Variants in EDA observed in about 807,000 individuals in gnomAD.
EDA encodes the protein ectodysplasin A.
EDA carries 2 observed loss-of-function variants against 23.6 expected under a neutral mutation model. The ratio of observed to expected loss-of-function variants is 0.08; its 90% CI spans 0.03 to 0.27. The LOEUF is 0.27. Ranked by LOEUF, EDA falls within the 10% of genes least tolerant of loss-of-function variation. The pLI is 1.00. For synonymous variants in EDA, 131 were observed against 132.0 expected (o/e 0.99, Z 0.05); for missense variants, 229 against 324.2 (o/e 0.71, Z 2.26).
At chrX:69,989,011 G>T (rs1342441797) in intron 2 of EDA, among the ~76,000 whole-genome samples, 1 of 111,754 alleles carries the variant, frequency 8.9e-6, no homozygotes, top group Non-Finnish European at 1.9e-5. Flanking sequence ...GTGAAGCAAG[G>T]CTAGTCACCA....
rs764051107 is a variant in EDA, at chrX:69,616,670, C to T, written c.362C>T (p.Ala121Val). ...PKQQPLEPGE[A>V]ALHSDSQDGH... ...CAGCAGCCATTGGAACCGGGAGAAG[C>T]CGCACTCCACTCTGACTCCCAGGAC... Residue 121 changes from alanine (A) to valine (V), a missense_variant, in exon 1 of 8, where the codon GCC becomes GTC. Ala to Val is a moderately conservative substitution (Grantham distance 64). Around this residue, in one of 2 missense-constraint regions of EDA, gnomAD observed 175 missense variants for 281.8 expected, o/e 0.62. Transcript: ENST00000374552. 3 of 1,211,747 alleles carry T rather than the reference C, an allele frequency of 2.5e-6. No individual in the cohort carries two copies. The African/African-American group carries it at 5.2e-5, about 21-fold the overall frequency.
At chrX:69,966,486 G>A (rs2019174770) in intron 2 of EDA, among the ~76,000 whole-genome samples, 1 of 109,030 alleles carries the variant, frequency 9.2e-6, no homozygotes, top group Non-Finnish European at 1.9e-5. Flanking sequence ...GGCTGAGGCA[G>A]GAGAATTGCT....
chrX:69,787,334 A>G (rs2015226880), intron 1 of EDA, among the ~76,000 whole-genome samples: 1 of 101,357 alleles, frequency 9.9e-6, no homozygotes, highest in Middle Eastern at 5.1e-3. Context: ...TCCTGTCATT[A>G]TGATGTTAGC....
intron 1 of EDA, among the ~76,000 whole-genome samples, chrX:69,745,508 T>C (rs1411864834): frequency 1.8e-5 from 2 of 111,507 alleles, no homozygotes; most frequent in African/African-American, 6.5e-5. Flanking sequence ...GCTATGAGCT[T>C]AAAAAATCAT....
chrX:69,748,459 C>T (rs1020868449), intron 1 of EDA, among the ~76,000 whole-genome samples: 26 of 111,621 alleles, frequency 2.3e-4, no homozygotes, highest in African/African-American at 7.5e-4. Context: ...AAAAGCCCGT[C>T]GTGTGATATG....
chrX:69,832,404 C>G (rs962974378), intron 1 of EDA, among the ~76,000 whole-genome samples: 1 of 111,512 alleles, frequency 9.0e-6, no homozygotes, highest in Non-Finnish European at 1.9e-5. Flanking sequence ...ATATCTCTGT[C>G]TTGGTACCAG....
chrX:69,761,882 G>C (rs925787169), intron 1 of EDA, among the ~76,000 whole-genome samples: 11 of 111,582 alleles, frequency 9.9e-5, no homozygotes, highest in Non-Finnish European at 1.9e-4. Flanking sequence ...GTTACTTTTA[G>C]ACACAATCTT....
chrX:69,816,255 A>T (rs1194999120), intron 1 of EDA, among the ~76,000 whole-genome samples: 2 of 112,244 alleles, frequency 1.8e-5, no homozygotes, highest in Admixed American at 9.4e-5. Context: ...TCACCAAAAA[A>T]TTGCTGAGAA....
At chrX:69,680,071 G>T (rs1160509385) in intron 1 of EDA, among the ~76,000 whole-genome samples, 1 of 109,999 alleles carries the variant, frequency 9.1e-6, no homozygotes, top group African/African-American at 3.3e-5. Context: ...CCTTCATTTC[G>T]TTGTGTACCC....
At chrX:69,849,109 A>G (rs1398270018) in intron 1 of EDA, among the ~76,000 whole-genome samples, 1 of 93,973 alleles carries the variant, frequency 1.1e-5, no homozygotes, top group African/African-American at 3.8e-5. Context: ...ACACACACAC[A>G]CACACACACA....
intron 1 of EDA, among the ~76,000 whole-genome samples, chrX:69,912,898 G>T (rs1188413243): frequency 3.7e-5 from 4 of 108,260 alleles, no homozygotes; most frequent in African/African-American, 1.4e-4. Flanking sequence ...CTCCTGAGTA[G>T]CTGGGACTAC....
intron 1 of EDA, among the ~76,000 whole-genome samples, chrX:69,677,871 G>A (rs1255873696): frequency 8.9e-6 from 1 of 111,803 alleles, no homozygotes; most frequent in African/African-American, 3.3e-5. Flanking sequence ...ATTGCTTTTG[G>A]TGTTTTAGAC....
intron 2 of EDA, among the ~76,000 whole-genome samples, chrX:70,015,562 G>A (rs775799883): frequency 9.0e-6 from 1 of 111,265 alleles, no homozygotes; most frequent in South Asian, 3.8e-4. Context: ...AACAGAGTGA[G>A]ACTCCATCTA....
intron 1 of EDA, among the ~76,000 whole-genome samples, chrX:69,682,869 C>T (rs1409514333): frequency 9.0e-6 from 1 of 111,471 alleles, no homozygotes; most frequent in Non-Finnish European, 1.9e-5. Flanking sequence ...CTTATATCTT[C>T]CAAATAAAGT....
At chrX:70,008,204 G>T (rs1403728410) in intron 2 of EDA, among the ~76,000 whole-genome samples, 1 of 111,984 alleles carries the variant, frequency 8.9e-6, no homozygotes, top group Non-Finnish European at 1.9e-5. Flanking sequence ...ATCTTAAAGG[G>T]AAAGCATCTA....
At chrX:69,788,941 G>A (rs950890187) in intron 1 of EDA, among the ~76,000 whole-genome samples, 2 of 112,313 alleles carry the variant, frequency 1.8e-5, no homozygotes, top group Admixed American at 9.4e-5. Context: ...ATCAATCAGC[G>A]AGACTCCGTG....
chrX:69,782,609 G>C (rs781436856), intron 1 of EDA, among the ~76,000 whole-genome samples: 1 of 111,081 alleles, frequency 9.0e-6, no homozygotes, highest in Admixed American at 9.6e-5. Context: ...TGGAGGATTT[G>C]TTCATCGAAG....
At chrX:69,621,189 A>ATAGAGAAGATCTCTTTAAAG (rs1464869317) in intron 1 of EDA, among the ~76,000 whole-genome samples, 2 of 112,240 alleles carry the variant, frequency 1.8e-5, no homozygotes, top group Non-Finnish European at 3.8e-5. Context: ...TAACTACCTT[A>ATAGAGAAGATCTCTTTAAAG]TAGAGAAGAT....
At chrX:70,009,992 T>C (rs2019854137) in intron 2 of EDA, among the ~76,000 whole-genome samples, 1 of 112,405 alleles carries the variant, frequency 8.9e-6, no homozygotes, top group African/African-American at 3.2e-5. Flanking sequence ...CTTTGTATGA[T>C]ATCTCTTTTT....
Sources: allele counts gnomAD v4.1 joint callset (sites outside exome capture counted in the v4.1 genomes callset), GRCh38; gene constraint gnomAD v4.1.1; regional missense constraint gnomAD v4.1.1; transcripts MANE v1.5; gene names NCBI Gene and HGNC (gene_info 2026-07-23, HGNC 2026-07-21).